Variants in SMAD1 observed in about 807,000 individuals in gnomAD.
SMAD1 encodes the protein SMAD family member 1.
A neutral mutation model predicts 41.6 loss-of-function variants in SMAD1; 6 were observed. The observed-to-expected ratio is 0.14, with a 90% confidence interval of 0.08 to 0.28. SMAD1 has a LOEUF of 0.28. Ranked by LOEUF, SMAD1 falls within the 10% of genes least tolerant of loss-of-function variation. SMAD1 has a pLI of 1.00. For synonymous variants in SMAD1, 206 were observed against 203.2 expected (o/e 1.01, Z -0.12); for missense variants, 379 against 582.6 (o/e 0.65, Z 3.60).
chr4:145,501,924 C>G (rs1386924268), intron 1 of SMAD1, among the ~76,000 whole-genome samples: 3 of 151,980 alleles, frequency 2.0e-5, no homozygotes, highest in Non-Finnish European at 4.4e-5. Context: ...TAAAAACAAC[C>G]AGTATAATGC....
intron 2 of SMAD1, among the ~76,000 whole-genome samples, chr4:145,533,960 A>G (rs1003799377): frequency 1.3e-5 from 2 of 152,188 alleles, no homozygotes; most frequent in African/African-American, 2.4e-5. Context: ...CTGTTTTTGG[A>G]GATAGGGCCT....
intron 2 of SMAD1, among the ~76,000 whole-genome samples, chr4:145,539,475 G>T (rs1463122041): frequency 6.6e-6 from 1 of 152,108 alleles, no homozygotes; most frequent in African/African-American, 2.4e-5. Flanking sequence ...ATTATGCTTT[G>T]GTTTTTAGTG....
rs572740491 is a variant in SMAD1, at chr4:145,504,342, G to A, written c.-176-10096G>A. Among the ~76,000 whole-genome samples, 3 of 152,252 alleles carry A rather than the reference G, an allele frequency of 2.0e-5. No homozygotes were observed. In the South Asian group the frequency reaches 6.2e-4, roughly 32 times the overall value. On this transcript the variant is annotated intron_variant, in intron 1 of 6. Transcript: ENST00000302085. Reference sequence around the variant, plus strand: ...GTATTTTCTGGAACTGAAATAACTAGATCCATTTCTGTTTTTATATTCATT... The same window carrying A: ...GTATTTTCTGGAACTGAAATAACTAAATCCATTTCTGTTTTTATATTCATT...
intron 5 of SMAD1, among the ~76,000 whole-genome samples, chr4:145,547,607 A>G (rs1304508797): frequency 6.6e-6 from 1 of 152,228 alleles, no homozygotes; most frequent in East Asian, 1.9e-4. Flanking sequence ...TGATTATTTC[A>G]TAGCAGTATG....
In SMAD1 at chr4:145,546,714, G is replaced by T. The variant is rs1191031214; in HGVS notation, c.787G>T (p.Val263Phe). Residue 263 changes from valine to phenylalanine, a missense_variant, in exon 5 of 7, where the codon GTT becomes TTT. By Grantham distance (50) the Val-to-Phe change is conservative. This residue lies in a region of SMAD1 where 208 missense variants were observed against 210.5 expected (regional missense o/e 0.99). Coordinates refer to ENST00000302085, the MANE Select transcript of SMAD1 (RefSeq NM_005900.3). ...SEINRGDVQA[V>F]AYEEPKHWCS... ...TTTCTTTCCTCTAGATGTTCAGGCG[G>T]TTGCTTATGAGGAACCAAAACACTG... 5 of 1,612,476 alleles carry T rather than the reference G, an allele frequency of 3.1e-6. No individual in the cohort carries two copies. Among genetic ancestry groups the T allele is most frequent in the African/African-American group, 2.7e-5 (2 of 74,872 alleles).
chr4:145,485,705 G>C (rs1728447907), intron 1 of SMAD1, among the ~76,000 whole-genome samples: 1 of 152,228 alleles, frequency 6.6e-6, no homozygotes, highest in African/African-American at 2.4e-5. Flanking sequence ...AAAGGAGTTT[G>C]ACTTTTCTGT....
At chr4:145,534,704 C>T (rs1259454086) in intron 2 of SMAD1, among the ~76,000 whole-genome samples, 1 of 152,076 alleles carries the variant, frequency 6.6e-6, no homozygotes, top group East Asian at 1.9e-4. Flanking sequence ...AACTGGCTAA[C>T]CATTTAGAGA....
chr4:145,527,687 C>G (rs1227675956), intron 2 of SMAD1, among the ~76,000 whole-genome samples: 1 of 152,042 alleles, frequency 6.6e-6, no homozygotes, highest in Non-Finnish European at 1.5e-5. Flanking sequence ...TGCTATACTG[C>G]TTCCCAAAAG....
chr4:145,527,519 G>A (rs945361704), intron 2 of SMAD1, among the ~76,000 whole-genome samples: 2 of 152,062 alleles, frequency 1.3e-5, no homozygotes, highest in African/African-American at 4.8e-5. Flanking sequence ...CACCGCGCCC[G>A]GCCCTATTCT....
At chr4:145,526,404 A>G (rs1731020676) in intron 2 of SMAD1, among the ~76,000 whole-genome samples, 1 of 152,212 alleles carries the variant, frequency 6.6e-6, no homozygotes, top group Non-Finnish European at 1.5e-5. Context: ...TACCCAGGGT[A>G]TGGTGGTGTG....
At chr4:145,501,926 G>A (rs190401506) in intron 1 of SMAD1, among the ~76,000 whole-genome samples, 1 of 152,094 alleles carries the variant, frequency 6.6e-6, no homozygotes, top group African/African-American at 2.4e-5. Flanking sequence ...AAAACAACCA[G>A]TATAATGCTT....
intron 1 of SMAD1, among the ~76,000 whole-genome samples, chr4:145,494,912 A>G (rs1178061582): frequency 6.6e-6 from 1 of 152,130 alleles, no homozygotes; most frequent in Non-Finnish European, 1.5e-5. Flanking sequence ...GAGAGCAGAG[A>G]CAGAAAGGAT....
Position 145,558,096 on chromosome 4 carries a change from A to AC in SMAD1, c.*163dup, listed in dbSNP as rs1220691799. 4.5e-6 allele frequency: 2 copies of AC among 441,164 alleles called. No homozygotes were observed. The highest frequency in any genetic ancestry group is 2.4e-5 in the African/African-American group (1 of 41,742). 27.3% of individuals were successfully genotyped at this position (441,164 alleles called of 1,614,324 possible). ...AATTTAAACAAAAAAAAAAAAAAAC[A>AC]CACACACCTTGGTAACATACTGTTG... On this transcript the variant is annotated 3_prime_UTR_variant, in exon 7 of 7. Coordinates refer to ENST00000302085, the MANE Select transcript of SMAD1 (RefSeq NM_005900.3).
rs1195899766 is a variant in SMAD1 at position 145,518,495 on chromosome 4, A to T, written c.400+3482A>T. ...CAAGAGTGAAACTCCATCTCAAAAAAAAAAAATAAAAATGTGCAAGGTGAC... is the reference window on the plus strand; with the variant it reads ...CAAGAGTGAAACTCCATCTCAAAAATAAAAAATAAAAATGTGCAAGGTGAC... On this transcript the variant is annotated intron_variant, in intron 2 of 6. Coordinates refer to ENST00000302085, the MANE Select transcript of SMAD1 (RefSeq NM_005900.3). Among the ~76,000 whole-genome samples the T allele has an allele frequency of 1.2e-4, 13 of 110,986 alleles. 3 individuals are homozygous for T. The highest frequency in any genetic ancestry group is 2.3e-4 in the African/African-American group (7 of 30,380). 72.8% of individuals were successfully genotyped at this position (110,986 alleles called of 152,430 possible).
chr4:145,506,171 TA>T (rs1246701425), intron 1 of SMAD1, among the ~76,000 whole-genome samples: 2 of 151,196 alleles, frequency 1.3e-5, no homozygotes, highest in African/African-American at 4.9e-5. Context: ...AAGTTGTCTT[TA>T]AAAAAAAGAA....
Position 145,514,943 on chromosome 4 carries a change from G to A in SMAD1, c.330G>A (p.Glu110=), listed in dbSNP as rs1386576398. Residue 110 remains glutamate, a synonymous_variant, in exon 2 of 7, where the codon GAG becomes GAA. Transcript: ENST00000302085. This position sits in a 1 kb window ranked among gnomAD's most constrained non-coding sequence, Gnocchi z 4.7. ...HHELKPLECC[E]FPFGSKQKEV... ...AACTAAAACCACTGGAATGCTGTGA[G>A]TTTCCTTTTGGTTCCAAGCAGAAGG... 6.2e-7 allele frequency: 1 copy of A among 1,614,036 alleles called. No individual in the cohort carries two copies. The highest frequency in any genetic ancestry group is 8.5e-7 in the Non-Finnish European group (1 of 1,180,016).
chr4:145,491,799 C>T (rs1319032746), intron 1 of SMAD1, among the ~76,000 whole-genome samples: 1 of 152,172 alleles, frequency 6.6e-6, no homozygotes, highest in African/African-American at 2.4e-5. Context: ...AGATGATGAA[C>T]CTTGAAGACA....
chr4:145,535,196 A>G (rs1731543960), intron 2 of SMAD1, among the ~76,000 whole-genome samples: 2 of 152,324 alleles, frequency 1.3e-5, no homozygotes, highest in African/African-American at 2.4e-5. Flanking sequence ...CAGAAGCTTG[A>G]CAGACTCTAT....
intron 1 of SMAD1, among the ~76,000 whole-genome samples, chr4:145,491,533 T>A (rs1354212359): frequency 6.6e-6 from 1 of 152,248 alleles, no homozygotes; most frequent in Non-Finnish European, 1.5e-5. Context: ...TCCTTTTTCC[T>A]GTATTTTGTT....
Sources: allele counts gnomAD v4.1 joint callset (sites outside exome capture counted in the v4.1 genomes callset), GRCh38; gene constraint gnomAD v4.1.1; regional missense constraint gnomAD v4.1.1; non-coding constraint Gnocchi (gnomAD v3.1); transcripts MANE v1.5; gene names NCBI Gene and HGNC (gene_info 2026-07-23, HGNC 2026-07-21).